The following PICALM variants were observed in gnomAD, a reference collection of about 807,000 sequenced individuals.
PICALM encodes phosphatidylinositol-binding clathrin assembly protein.
Under a neutral mutation model 80.5 loss-of-function variants are expected in PICALM, and 40 were observed. The observed-to-expected ratio is 0.50, with a 90% CI of 0.39 to 0.65. PICALM has a LOEUF of 0.65. Among genes scored for constraint, PICALM ranks in the 30% least tolerant of loss-of-function variants. The pLI, the probability that PICALM is intolerant of heterozygous loss-of-function variation, is 0.00. For missense variants in PICALM, 676 were observed against 778.9 expected, an observed-to-expected ratio of 0.87 and a Z score of 1.57; for synonymous variants, 288 against 260.3, an observed-to-expected ratio of 1.11 and a Z score of -1.02.
chr11:86,014,782 A>G (rs2095453890), intron 5 of PICALM, 88 bp downstream of exon 5: 1 of 656,860 alleles, frequency 1.5e-6, no homozygotes, highest in Middle Eastern at 4.1e-4. Flanking sequence ...GTGAAAAACT[A>G]GAGTCTGTGA....
chr11:86,006,105 A>G (rs925456340), intron 8 of PICALM, among the ~76,000 whole-genome samples: 1 of 152,242 alleles, frequency 6.6e-6, no homozygotes, highest in Non-Finnish European at 1.5e-5. Context: ...GTAACAGGTG[A>G]ATCTAAAGTT....
At chr11:86,061,224 G>T (rs752487917) in intron 1 of PICALM, among the ~76,000 whole-genome samples, 1 of 150,490 alleles carries the variant, frequency 6.6e-6, no homozygotes, top group African/African-American at 2.4e-5. Context: ...AGCTACTTGC[G>T]AGGCTGAGGC....
At position 86,007,564 on chromosome 11, in the gene PICALM, C is replaced by A. The variant is rs1432558242; in HGVS notation, c.785G>T (p.Gly262Val). 6.7e-7 allele frequency: 1 copy of A among 1,494,830 alleles called. No homozygotes were observed. The highest frequency in any genetic ancestry group is 1.8e-5 in the Admixed American group (1 of 57,008). The allele number at this position is 1,494,830 out of a possible 1,614,324, so 92.6% of individuals were successfully genotyped here. The change falls in exon 8 of 20, where the codon GGT becomes GTT. Residue 262 changes from glycine to valine, a missense_variant. By Grantham distance (109) the Gly-to-Val change is moderately radical. Coordinates refer to ENST00000393346, the MANE Select transcript of PICALM (RefSeq NM_007166.4). ...KVAEQVGIDR[G>V]DIPDLSQAPS... ...TACCTGTGAAAGGTCTGGTATATCA[C>A]CTCTGTCAATTCCAACTTGCTGTAA...
At chr11:86,062,428 G>A (rs534047424) in intron 1 of PICALM, among the ~76,000 whole-genome samples, 1 of 151,806 alleles carries the variant, frequency 6.6e-6, no homozygotes, top group East Asian at 1.9e-4. Flanking sequence ...TGAGGCAGGA[G>A]AATCCCTTGA....
rs374900498 is a variant in PICALM, at chr11:86,050,332, A to G, written c.130+18319T>C. Among the ~76,000 whole-genome samples, 252 of 152,228 alleles carry G rather than the reference A, an allele frequency of 1.7e-3. 1 individual carries two copies. Among genetic ancestry groups the G allele is most frequent in the African/African-American group, 5.8e-3 (239 of 41,542 alleles). ...ACAAATAACTCAAAACTAGATGTACATGTACTGCAAGTAAAAGCAAACTTT... is the reference window on the plus strand; with the variant it reads ...ACAAATAACTCAAAACTAGATGTACGTGTACTGCAAGTAAAAGCAAACTTT... On this transcript the variant is annotated intron_variant, in intron 1 of 19. Coordinates refer to ENST00000393346, the MANE Select transcript of PICALM (RefSeq NM_007166.4).
chr11:86,059,636 C>T (rs1308290219), intron 1 of PICALM, among the ~76,000 whole-genome samples: 2 of 152,286 alleles, frequency 1.3e-5, no homozygotes, highest in South Asian at 4.1e-4. Flanking sequence ...GTGGCACACA[C>T]CTGTAGTCCT....
chr11:86,024,456 T>TTA (rs397940001), intron 3 of PICALM, among the ~76,000 whole-genome samples: 4 of 145,710 alleles, frequency 2.7e-5, no homozygotes, highest in East Asian at 3.9e-4. Context: ...TTTTTTTTTT[T>TTA]ACACCTCCAG....
intron 19 of PICALM, among the ~76,000 whole-genome samples, chr11:85,971,847 A>T (rs1050807427): frequency 6.6e-6 from 1 of 152,110 alleles, no homozygotes; most frequent in African/African-American, 2.4e-5. Flanking sequence ...CAATGGCCCA[A>T]TCCAGGCTCA....
chr11:86,014,970 T>C lies in PICALM; in HGVS notation c.453-7A>G, dbSNP rs370639915. 3.0e-4 allele frequency: 457 copies of C among 1,528,174 alleles called. 1 individual carries two copies. Among genetic ancestry groups the C allele is most frequent in the Middle Eastern group, 3.4e-4 (2 of 5,934 alleles). The allele number at this position is 1,528,174 out of a possible 1,614,324, so 94.7% of individuals were successfully genotyped here. ...TCTCATAACTCCATCAGCCCTGTTA[T>C]GAAAAAACCAGAGAAATAAACAAAT... On this transcript the variant is annotated splice_polypyrimidine_tract_variant and splice_region_variant and intron_variant, in intron 4 of 19. Transcript: ENST00000393346.
intron 1 of PICALM, among the ~76,000 whole-genome samples, chr11:86,053,649 C>T (rs2096226780): frequency 6.6e-6 from 1 of 152,130 alleles, no homozygotes; most frequent in Non-Finnish European, 1.5e-5. Flanking sequence ...CTCACTATAA[C>T]CTCTGCCTCC....
chr11:86,007,362 A>C (rs2095300183), intron 8 of PICALM, 180 bp downstream of exon 8: 1 of 404,478 alleles, frequency 2.5e-6, no homozygotes, highest in Admixed American at 3.4e-5. Context: ...ATAAGTGGTA[A>C]GCAGATCATT....
chr11:86,002,950 G>C (rs1041940009), intron 9 of PICALM, among the ~76,000 whole-genome samples: 1 of 152,204 alleles, frequency 6.6e-6, no homozygotes, highest in South Asian at 2.1e-4. Context: ...GGTGGAAGTT[G>C]CAAGTGAGTT....
At chr11:85,974,410 C>CA (rs762677790) in intron 19 of PICALM, 2 of 543,194 alleles carry the variant, frequency 3.7e-6, no homozygotes, top group South Asian at 2.8e-5. Flanking sequence ...AAGGATACTA[C>CA]ACCAGAATCA....
At chr11:86,019,769 T>C (rs79322671) in intron 4 of PICALM, among the ~76,000 whole-genome samples, 8,368 of 152,278 alleles carry the variant, frequency 0.055, 413 homozygotes, top group African/African-American at 0.14. Flanking sequence ...CAGCTTTAAA[T>C]TTTCTTGCAT....
intron 7 of PICALM, among the ~76,000 whole-genome samples, chr11:86,008,950 GCCAAAA>G (rs2095334670): frequency 2.9e-4 from 10 of 34,366 alleles, no homozygotes; most frequent in Admixed American, 2.4e-3. Flanking sequence ...AAAAAAAAAA[GCCAAAA>G]AAAAAAAAAA....
chr11:86,060,219 TTA>T (rs1453601263), intron 1 of PICALM, among the ~76,000 whole-genome samples: 2 of 152,192 alleles, frequency 1.3e-5, no homozygotes, highest in African/African-American at 4.8e-5. Flanking sequence ...GTGCATTTTT[TTA>T]GTCTCAGAAC....
intron 14 of PICALM, among the ~76,000 whole-genome samples, chr11:85,982,962 C>T (rs2135739507): frequency 6.6e-6 from 1 of 152,206 alleles, no homozygotes. Context: ...AAGAAAGTCA[C>T]CAAAGATGAT....
At chr11:86,025,268 C>G (rs1322307125) in intron 3 of PICALM, among the ~76,000 whole-genome samples, 1 of 152,048 alleles carries the variant, frequency 6.6e-6, no homozygotes, top group African/African-American at 2.4e-5. Context: ...GGCGTGGTGA[C>G]ATGCGCGGGT....
rs866187163 is a variant in PICALM, at chr11:85,986,547, C to T, written c.1409-2574G>A. ...CTGGGACTACAGGCGCCCGCCACCGCGCCCGGCTAATTTTTTGTATTTTTA... is the reference window on the plus strand; with the variant it reads ...CTGGGACTACAGGCGCCCGCCACCGTGCCCGGCTAATTTTTTGTATTTTTA... On this transcript the variant is annotated intron_variant, in intron 13 of 19. Coordinates refer to ENST00000393346, the MANE Select transcript of PICALM (RefSeq NM_007166.4). Among the ~76,000 whole-genome samples the T allele has an allele frequency of 3.9e-3, 589 of 150,914 alleles. 4 individuals are homozygous for T. The highest frequency in any genetic ancestry group is 0.014 in the African/African-American group (559 of 41,136).
Sources: allele counts gnomAD v4.1 joint callset (sites outside exome capture counted in the v4.1 genomes callset), GRCh38; gene constraint gnomAD v4.1.1; transcripts MANE v1.5; gene names NCBI Gene and HGNC (gene_info 2026-07-23, HGNC 2026-07-21).